RMND5A: variants seen among roughly 807,000 people sequenced by gnomAD.
RMND5A encodes E3 ubiquitin-protein transferase RMND5A.
RMND5A carries 17 observed loss-of-function variants against 49.7 expected under a neutral mutation model. The ratio of observed to expected loss-of-function variants is 0.34; its 90% CI spans 0.23 to 0.51. The LOEUF is 0.51. RMND5A is among the 20% of genes least tolerant of loss of function. The pLI is 0.96. For synonymous variants in RMND5A, 156 were observed against 167.7 expected (o/e 0.93, Z 0.54); for missense variants, 255 against 471.3 (o/e 0.54, Z 4.25).
intron 4 of RMND5A, among the ~76,000 whole-genome samples, chr2:86,760,653 C>T (rs1488054981): frequency 6.6e-6 from 1 of 152,168 alleles, no homozygotes; most frequent in Admixed American, 6.5e-5. Context: ...ACCTCTTTAA[C>T]TCCCAGGGAT....
rs147263896 is a variant in RMND5A, at chr2:86,749,170, G to C, written c.286-2726G>C. ...AGAGACAGAAAGCAGTACCATCTCC[G>C]GTGTTGTAGTTGTCATAGACAGCAT... On this transcript the variant is annotated intron_variant, in intron 2 of 8. Coordinates refer to ENST00000283632, the MANE Select transcript of RMND5A (RefSeq NM_022780.4). Among the ~76,000 whole-genome samples the C allele has an allele frequency of 4.9e-4, 74 of 152,234 alleles. 1 individual carries two copies. The highest frequency in any genetic ancestry group is 4.6e-3 in the Admixed American group (70 of 15,304).
At position 86,751,891 on chromosome 2, in the gene RMND5A, C is replaced by T. The variant is rs1681640101; in HGVS notation, c.286-5C>T. 6.2e-7 allele frequency: 1 copy of T among 1,607,780 alleles called. No individual in the cohort carries two copies. Among genetic ancestry groups the T allele is most frequent in the Non-Finnish European group, 8.5e-7 (1 of 1,176,450 alleles). On this transcript the variant is annotated splice_region_variant and splice_polypyrimidine_tract_variant and intron_variant, in intron 2 of 8. Transcript: ENST00000283632. ...TATGATTCCCTTTCTCTTTCTTTTC[C>T]CCAGAATTTTGATTCTGACATTAGC... is the stretch of plus-strand genomic sequence containing the variant.
chr2:86,760,057 T>C (rs1672419467), intron 4 of RMND5A, among the ~76,000 whole-genome samples: 1 of 152,086 alleles, frequency 6.6e-6, no homozygotes, highest in Admixed American at 6.6e-5. Context: ...TATTCTTTTT[T>C]TTTTGAGACG....
chr2:86,748,172 A>G (rs1393303020), intron 2 of RMND5A: 2 of 152,224 alleles, frequency 1.3e-5, no homozygotes, highest in Non-Finnish European at 2.9e-5. Flanking sequence ...TTGGTTACCT[A>G]GCAACAGAAG....
intron 4 of RMND5A, among the ~76,000 whole-genome samples, chr2:86,757,129 G>A (rs1303814373): frequency 2.8e-5 from 4 of 144,598 alleles, no homozygotes; most frequent in Admixed American, 7.1e-5. Flanking sequence ...AGCCAAGATC[G>A]CGCCACTGCA....
intron 7 of RMND5A, 132 bp from the exon 8 acceptor site, chr2:86,771,426 G>C: frequency 1.5e-6 from 1 of 653,910 alleles, no homozygotes; most frequent in Non-Finnish European, 2.5e-6. Context: ...TGAGTTAGAA[G>C]AGTGCTATAG....
At position 86,771,445 on chromosome 2, in the gene RMND5A, A is replaced by T. The variant is rs181110939; in HGVS notation, c.958-113A>T. The T allele has an allele frequency of 1.6e-5, 14 of 861,366 alleles. No individual in the cohort carries two copies. In the East Asian group the frequency reaches 3.6e-4, roughly 22 times the overall value. The allele number at this position is 861,366 out of a possible 1,614,324, so 53.4% of individuals were successfully genotyped here. ...TTAGAAGAGTGCTATAGAAAGTTAC[A>T]TTCAGGTGAATAGATCTGATCAATG... On this transcript the variant is annotated intron_variant, in intron 7 of 8. Transcript: ENST00000283632.
At position 86,776,382 on chromosome 2, in the gene RMND5A, A is replaced by G. The variant is rs1179995617; in HGVS notation, c.*2971A>G. On this transcript the variant is annotated 3_prime_UTR_variant, in exon 9 of 9. Coordinates refer to ENST00000283632, the MANE Select transcript of RMND5A (RefSeq NM_022780.4). ...GGGTGTGTATTTTTTGAGTGTGAGCATTTAATTGAAAATAAGAAAGCTATG... is the reference window on the plus strand; with the variant it reads ...GGGTGTGTATTTTTTGAGTGTGAGCGTTTAATTGAAAATAAGAAAGCTATG... The G allele has an allele frequency of 6.6e-6, 1 of 152,244 alleles. No homozygotes were observed. Among genetic ancestry groups the G allele is most frequent in the Non-Finnish European group, 1.5e-5 (1 of 68,042 alleles). The allele number at this position is 152,244 out of a possible 1,614,324, so 9.4% of individuals were successfully genotyped here.
rs1165277140 is a variant in RMND5A at position 86,732,775 on chromosome 2, C to T, written c.143-8152C>T. 4.0e-5 allele frequency among the ~76,000 whole-genome samples: 5 copies of T among 124,632 alleles called. 1 individual carries two copies. The highest frequency in any genetic ancestry group is 1.9e-4 in the African/African-American group (5 of 26,860). The allele number at this position is 124,632 out of a possible 152,430, so 81.8% of individuals were successfully genotyped here. Reference sequence around the variant, plus strand: ...GTCTCAAAAGTGACTTGAGTCAGAGCACAAGCCCATTAATTCCTGGGGTTG... The same window carrying T: ...GTCTCAAAAGTGACTTGAGTCAGAGTACAAGCCCATTAATTCCTGGGGTTG... On this transcript the variant is annotated intron_variant, in intron 1 of 8. Coordinates refer to ENST00000283632, the MANE Select transcript of RMND5A (RefSeq NM_022780.4).
chr2:86,771,057 T>C (rs1558727956), intron 7 of RMND5A, among the ~76,000 whole-genome samples: 1 of 152,226 alleles, frequency 6.6e-6, no homozygotes, highest in Non-Finnish European at 1.5e-5. Flanking sequence ...TCCTCAAAGA[T>C]CTTTTCTGAT....
At chr2:86,758,142 A>G (rs1381816503) in intron 4 of RMND5A, among the ~76,000 whole-genome samples, 3 of 130,436 alleles carry the variant, frequency 2.3e-5, no homozygotes, top group African/African-American at 8.6e-5. Context: ...GTAATAAATA[A>G]GAGTACAAAA....
intron 2 of RMND5A, among the ~76,000 whole-genome samples, chr2:86,742,247 G>C (rs1488836952): frequency 6.7e-6 from 1 of 148,532 alleles, no homozygotes; most frequent in Non-Finnish European, 1.5e-5. Context: ...TTTGGCAGCA[G>C]CAGGGTTCCA....
At chr2:86,750,514 C>G (rs1021678064) in intron 2 of RMND5A, among the ~76,000 whole-genome samples, 3 of 152,194 alleles carry the variant, frequency 2.0e-5, no homozygotes, top group Non-Finnish European at 4.4e-5. Context: ...TGTCACTTTT[C>G]TCTGGCTGCC....
In RMND5A at chr2:86,765,721, C is replaced by T; in HGVS notation, c.689-138C>T. On this transcript the variant is annotated intron_variant, in intron 5 of 8. Transcript: ENST00000283632. ...GTTTAATTTAGGATGAAGGAAGAAA[C>T]CAAGCTTAAGGACCAGAATTTTAAA... The T allele has an allele frequency of 8.9e-6, 6 of 675,444 alleles. No homozygotes were observed. In the Admixed American group the frequency reaches 1.6e-4, roughly 18 times the overall value. 41.8% of individuals were successfully genotyped at this position (675,444 alleles called of 1,614,324 possible). A position where few individuals can be genotyped will look rare whatever the true frequency, so the allele number is the denominator to read the frequency against.
intron 4 of RMND5A, 79 bp downstream of exon 4, chr2:86,753,637 T>G: frequency 1.5e-6 from 1 of 672,846 alleles, no homozygotes; most frequent in Non-Finnish European, 2.6e-6. Flanking sequence ...ACATTAGAGA[T>G]TTTTAGATAT....
intron 8 of RMND5A, among the ~76,000 whole-genome samples, chr2:86,772,626 A>T (rs534640456): frequency 2.7e-5 from 4 of 149,490 alleles, no homozygotes; most frequent in African/African-American, 4.9e-5. Flanking sequence ...ATTGAGTCTC[A>T]CTCCATCATT....
At chr2:86,766,405 T>C (rs6750263) in intron 6 of RMND5A, among the ~76,000 whole-genome samples, 125,537 of 152,080 alleles carry the variant, frequency 0.83, 52,117 homozygotes, top group East Asian at 0.99. Flanking sequence ...CTTAACCACG[T>C]CTGTAATCTC....
intron 4 of RMND5A, among the ~76,000 whole-genome samples, chr2:86,757,522 G>A (rs1681765079): frequency 6.6e-6 from 1 of 152,196 alleles, no homozygotes; most frequent in Non-Finnish European, 1.5e-5. Context: ...CATGGTGGCA[G>A]ATAGAAAGCC....
chr2:86,762,664 T>A (rs5019440), intron 4 of RMND5A, among the ~76,000 whole-genome samples: 5,095 of 136,182 alleles, frequency 0.037, 346 homozygotes, highest in African/African-American at 0.13. Flanking sequence ...AAATATTTTT[T>A]TATATATATA....
Sources: gnomAD v4.1 joint callset for allele counts (sites outside exome capture counted in the v4.1 genomes callset) on GRCh38, gnomAD v4.1.1 for gene constraint, MANE v1.5 for transcripts, NCBI Gene and HGNC (gene_info 2026-07-23, HGNC 2026-07-21) for gene names.